The following CASP10 variants were observed in gnomAD, a reference collection of about 807,000 sequenced individuals.
The protein encoded by CASP10 is caspase 10, also known as caspase-10.
In CASP10, 41 loss-of-function variants were observed where a neutral mutation model predicts 48.5. That is an observed-to-expected ratio of 0.85 (90% CI 0.66 to 1.10). CASP10 has a LOEUF of 1.10. CASP10 is among the 50% of genes least tolerant of loss of function. The pLI is 0.00. For missense variants in CASP10, 614 were observed against 614.5 expected (o/e 1.00, Z 0.01); for synonymous variants, 232 against 238.4 (o/e 0.97, Z 0.25).
At chr2:201,200,804 T>TTATAAAATC in intron 5 of CASP10, 1 of 1,023,962 alleles carries the variant, frequency 9.8e-7, no homozygotes, top group Non-Finnish European at 1.2e-6. Flanking sequence ...TTGCAATTAT[T>TTATAAAATC]TATAAAATCT....
chr2:201,216,320 A>G (rs62191500), intron 9 of CASP10, among the ~76,000 whole-genome samples: 6,980 of 152,088 alleles, frequency 0.046, 254 homozygotes, highest in Admixed American at 0.085. Context: ...AGTGAACTAC[A>G]ATCGCATTAC....
At chr2:201,224,063 C>T (rs1247705043), downstream of CASP10, among the ~76,000 whole-genome samples, 1 of 151,900 alleles carries the variant, frequency 6.6e-6, no homozygotes, top group African/African-American at 2.4e-5. Context: ...GCTCTGCCTC[C>T]CAGGTTCATG....
chr2:201,219,268 T>TA lies in CASP10; in HGVS notation c.*1537dup, dbSNP rs1168150789. 2.9e-3 allele frequency: 746 copies of TA among 257,390 alleles called. No homozygotes were observed. Among genetic ancestry groups the TA allele is most frequent in the Middle Eastern group, 6.1e-3 (3 of 492 alleles). 15.9% of individuals were successfully genotyped at this position (257,390 alleles called of 1,614,324 possible). A position where few individuals can be genotyped will look rare whatever the true frequency, so the allele number is the denominator to read the frequency against. ...TTGGGCAACAGGGCGAGACCTTGTT[T>TA]AAAAAAAAAATTCAATATTGGGGTT... On this transcript the variant is annotated 3_prime_UTR_variant, in exon 10 of 10. Coordinates refer to ENST00000286186, the MANE Select transcript of CASP10 (RefSeq NM_032977.4).
chr2:201,215,236 T>TTTTTTTTTTTTTTTTTTTTTAAA (rs1945534865), intron 9 of CASP10, among the ~76,000 whole-genome samples: 1 of 71,986 alleles, frequency 1.4e-5, no homozygotes, highest in Non-Finnish European at 2.9e-5. Flanking sequence ...TTTTTTTTTT[T>TTTTTTTTTTTTTTTTTTTTTAAA]GCCGTGCAAA....
chr2:201,217,938 T>G lies in CASP10; in HGVS notation c.*197T>G. 7.3e-7 allele frequency: 1 copy of G among 1,365,624 alleles called. No individual in the cohort carries two copies. The highest frequency in any genetic ancestry group is 9.5e-7 in the Non-Finnish European group (1 of 1,048,756). The allele number at this position is 1,365,624 out of a possible 1,614,324, so 84.6% of individuals were successfully genotyped here. ...TAGAAAACTTTCTTTTTTTTGGAGATAGTCTCATTCTGTCACCCAGACTGG... is the reference window on the plus strand; with the variant it reads ...TAGAAAACTTTCTTTTTTTTGGAGAGAGTCTCATTCTGTCACCCAGACTGG... On this transcript the variant is annotated 3_prime_UTR_variant, in exon 10 of 10. Coordinates refer to ENST00000286186, the MANE Select transcript of CASP10 (RefSeq NM_032977.4).
At chr2:201,194,087 T>TTGTGTGTGTG (rs139975621) in intron 4 of CASP10, among the ~76,000 whole-genome samples, 2 of 148,364 alleles carry the variant, frequency 1.3e-5, no homozygotes, top group African/African-American at 5.0e-5. Context: ...CTTTATTTTC[T>TTGTGTGTGTG]TGTGTGTGTG....
chr2:201,194,729 T>C (rs1944728721), intron 4 of CASP10, among the ~76,000 whole-genome samples: 1 of 152,246 alleles, frequency 6.6e-6, no homozygotes, highest in South Asian at 2.1e-4. Context: ...CTAGTTTCTA[T>C]GTAGTTGATT....
chr2:201,228,789 A>C (rs1273839651), intron 9 of CASP10: 2 of 707,632 alleles, frequency 2.8e-6, no homozygotes, highest in African/African-American at 3.6e-5. Flanking sequence ...TCCATTACTG[A>C]TGAGAAATAT....
intron 4 of CASP10, among the ~76,000 whole-genome samples, chr2:201,194,935 C>A (rs566450607): frequency 6.6e-6 from 1 of 151,842 alleles, no homozygotes; most frequent in African/African-American, 2.4e-5. Flanking sequence ...CCTGCCACCA[C>A]GCTCAGCTAA....
intron 6 of CASP10, among the ~76,000 whole-genome samples, chr2:201,205,562 C>T (rs2126041239): frequency 6.6e-6 from 1 of 152,188 alleles, no homozygotes; most frequent in South Asian, 2.1e-4. Flanking sequence ...GGAAGAGGTC[C>T]ACCTAGCCTC....
intron 4 of CASP10, among the ~76,000 whole-genome samples, chr2:201,194,378 T>C (rs560074752): frequency 2.4e-4 from 37 of 152,234 alleles, no homozygotes; most frequent in African/African-American, 8.7e-4. Context: ...AAAATGAAAC[T>C]AGCTAAGAGG....
chr2:201,197,560 AG>A (rs1431891875), intron 5 of CASP10, among the ~76,000 whole-genome samples: 2 of 152,346 alleles, frequency 1.3e-5, no homozygotes, highest in East Asian at 3.9e-4. Context: ...GGTTGCAGTG[AG>A]CTGAGATTGC....
chr2:201,226,033 A>G (rs1296057307), downstream of CASP10, among the ~76,000 whole-genome samples: 2 of 152,226 alleles, frequency 1.3e-5, no homozygotes, highest in Non-Finnish European at 2.9e-5. Flanking sequence ...GCCACGTTGT[A>G]TAACTGATAA....
intron 4 of CASP10, among the ~76,000 whole-genome samples, chr2:201,194,520 GT>G (rs1944720712): frequency 6.6e-6 from 1 of 152,136 alleles, no homozygotes; most frequent in Admixed American, 6.5e-5. Flanking sequence ...AATAAAAACA[GT>G]TCTTTCTATC....
chr2:201,229,084 T>A (rs1164522952), exon 10 of CASP10: 2 of 1,613,972 alleles, frequency 1.2e-6, no homozygotes, highest in African/African-American at 2.7e-5. Context: ...CGTTTCCTAG[T>A]TCTTTCCAGA....
At chr2:201,224,027 A>G (rs969273153), downstream of CASP10, among the ~76,000 whole-genome samples, 4 of 149,508 alleles carry the variant, frequency 2.7e-5, no homozygotes, top group Non-Finnish European at 5.9e-5. Context: ...GCTGGAGTGC[A>G]GTGGCTCGAT....
chr2:201,208,661 G>C (rs1411919207), intron 8 of CASP10, among the ~76,000 whole-genome samples: 5 of 152,130 alleles, frequency 3.3e-5, no homozygotes, highest in African/African-American at 1.2e-4. Flanking sequence ...TGCAAATTTT[G>C]TAACTATTAG....
intron 9 of CASP10, among the ~76,000 whole-genome samples, chr2:201,217,199 T>A (rs1051979678): frequency 3.3e-5 from 5 of 152,196 alleles, no homozygotes; most frequent in African/African-American, 1.2e-4. Flanking sequence ...TTTGTTGATC[T>A]AAGACCTGGT....
downstream of CASP10, among the ~76,000 whole-genome samples, chr2:201,223,969 C>CTT (rs1465653869): frequency 8.8e-5 from 13 of 148,032 alleles, no homozygotes; most frequent in African/African-American, 3.0e-4. Context: ...AAATGGAACT[C>CTT]TTTTCTTTTT....
Sources: gnomAD v4.1 joint callset for allele counts (sites outside exome capture counted in the v4.1 genomes callset) on GRCh38, gnomAD v4.1.1 for gene constraint, MANE v1.5 for transcripts, NCBI Gene and HGNC (gene_info 2026-07-23, HGNC 2026-07-21) for gene names.